The following SASH1 variants were observed in gnomAD, a reference collection of about 807,000 sequenced individuals.
The protein encoded by SASH1 is SAM and SH3 domain-containing protein 1.
A neutral mutation model predicts 125.2 loss-of-function variants in SASH1; 44 were observed. The ratio of observed to expected loss-of-function variants is 0.35; its 90% CI spans 0.28 to 0.45. SASH1 has a LOEUF of 0.45. Among genes scored for constraint, SASH1 ranks in the 20% least tolerant of loss-of-function variants. The pLI is 1.00. For synonymous variants in SASH1, 639 were observed against 649.1 expected (o/e 0.98, Z 0.24); for missense variants, 1,426 against 1,614.5 (o/e 0.88, Z 2.00).
At chr6:148,237,139 C>T in the SASH1 span, among the ~76,000 whole-genome samples, 38 of 152,168 alleles carry the variant, frequency 2.5e-4, no homozygotes, top group African/African-American at 9.2e-4. Flanking sequence ...AAACAAGGAC[C>T]CCCTGGCCAA....
At chr6:148,292,200 A>T (rs2128509113) in intron 1 of SASH1, among the ~76,000 whole-genome samples, 1 of 152,312 alleles carries the variant, frequency 6.6e-6, no homozygotes, top group Non-Finnish European at 1.5e-5. Context: ...GAAATAGTTT[A>T]GTGTTATTTC....
At chr6:148,378,801 G>C (rs1783015785) in intron 1 of SASH1, among the ~76,000 whole-genome samples, 1 of 152,206 alleles carries the variant, frequency 6.6e-6, no homozygotes, top group South Asian at 2.1e-4. Flanking sequence ...AGGTGGGACT[G>C]GGTCTGCTGT....
intron 1 of SASH1, among the ~76,000 whole-genome samples, chr6:148,326,564 C>T (rs1780836873): frequency 6.7e-6 from 1 of 148,178 alleles, no homozygotes; most frequent in Non-Finnish European, 1.5e-5. Context: ...GCCACCGTGG[C>T]CAGCTAATTG....
At position 148,317,550 on chromosome 6, in the gene SASH1, G is replaced by A. The variant is rs534769829; in HGVS notation, n.74+45173G>A. 2.5e-3 allele frequency among the ~76,000 whole-genome samples: 381 copies of A among 152,226 alleles called. 2 individuals carry two copies. Among genetic ancestry groups the A allele is most frequent in the Non-Finnish European group, 5.0e-3 (342 of 68,008 alleles). ...AGCGATTCTCCTGCCTCAGCCTCCC[G>A]AGTAGCTGGGATTACAGGCATGTGC... On this transcript the variant is annotated intron_variant and non_coding_transcript_variant, in intron 1 of 3. Coordinates refer to the SASH1 transcript ENST00000367469.
At chr6:148,228,206 T>G in the SASH1 span, among the ~76,000 whole-genome samples, 1 of 152,250 alleles carries the variant, frequency 6.6e-6, no homozygotes, top group African/African-American at 2.4e-5. Flanking sequence ...CAATTTATTT[T>G]AGAATTTATA....
chr6:148,451,120 G>A (rs529112752), intron 4 of SASH1, among the ~76,000 whole-genome samples: 2 of 152,326 alleles, frequency 1.3e-5, no homozygotes, highest in South Asian at 4.2e-4. Flanking sequence ...GAGGCTGAGA[G>A]CTCACTCTTC....
At chr6:148,310,454 C>T (rs1460539971) in intron 1 of SASH1, among the ~76,000 whole-genome samples, 1 of 148,872 alleles carries the variant, frequency 6.7e-6, no homozygotes, top group African/African-American at 2.5e-5. Context: ...GATTGTAGAC[C>T]TCAATGTAAA....
chr6:148,270,256 G>A (rs191611162), upstream of SASH1, among the ~76,000 whole-genome samples: 292 of 152,214 alleles, frequency 1.9e-3, no homozygotes, highest in African/African-American at 6.6e-3. Context: ...CTCATAAGCC[G>A]GTGCTCTTTT....
intron 16 of SASH1, 28 bp downstream of exon 16, chr6:148,534,929 C>T: frequency 3.1e-6 from 5 of 1,612,782 alleles, no homozygotes; most frequent in Non-Finnish European, 3.4e-6. Context: ...CAGAGGTGTT[C>T]CCTGTGAGGT....
chr6:148,505,810 G>C (rs2115288117), intron 8 of SASH1, among the ~76,000 whole-genome samples: 1 of 151,912 alleles, frequency 6.6e-6, no homozygotes, highest in East Asian at 2.0e-4. Context: ...GCTAATTTCT[G>C]TATTTTTAGT....
chr6:148,319,136 C>T (rs7383122), intron 1 of SASH1, among the ~76,000 whole-genome samples: 45,961 of 145,464 alleles, frequency 0.32, 7,621 homozygotes, highest in Middle Eastern at 0.49. Context: ...GAGTTCATGC[C>T]ATTCTCCTGC....
chr6:148,303,462 T>C, intron 1 of SASH1, among the ~76,000 whole-genome samples: 1 of 152,182 alleles, frequency 6.6e-6, no homozygotes, highest in South Asian at 2.1e-4. Flanking sequence ...AAATTAGAAA[T>C]CAATAACAGA....
intron 1 of SASH1, among the ~76,000 whole-genome samples, chr6:148,318,652 A>G (rs1780547031): frequency 7.7e-6 from 1 of 130,290 alleles, no homozygotes; most frequent in African/African-American, 2.5e-5. Context: ...TCCCGGGTTC[A>G]AGCGATTCTC....
intron 1 of SASH1, among the ~76,000 whole-genome samples, chr6:148,372,800 C>A (rs1782748862): frequency 6.6e-6 from 1 of 152,124 alleles, no homozygotes; most frequent in Admixed American, 6.6e-5. Context: ...TTAGAAAAAT[C>A]TTTGCCCTCC....
At chr6:148,513,075 A>G in intron 8 of SASH1, 1 of 985,442 alleles carries the variant, frequency 1.0e-6, no homozygotes, top group Non-Finnish European at 1.2e-6. Flanking sequence ...TAATGCATAG[A>G]AACTCTACTT....
intron 2 of SASH1, among the ~76,000 whole-genome samples, chr6:148,427,448 G>A (rs1251448716): frequency 2.0e-5 from 3 of 152,144 alleles, no homozygotes; most frequent in Admixed American, 2.0e-4. Context: ...CACTGTAAAA[G>A]GTGCATTCTT....
chr6:148,348,518 G>A (rs1409145394), intron 1 of SASH1, among the ~76,000 whole-genome samples: 1 of 152,196 alleles, frequency 6.6e-6, no homozygotes, highest in Non-Finnish European at 1.5e-5. Flanking sequence ...GTGAGAGGCA[G>A]TGCTCCTGTG....
In SASH1 at chr6:148,343,095, G is replaced by C; in HGVS notation, c.28G>C (p.Gly10Arg). 1 of 1,553,894 alleles carries C rather than the reference G, an allele frequency of 6.4e-7. No homozygotes were observed. The highest frequency in any genetic ancestry group is 1.2e-5 in the South Asian group (1 of 86,276). ...GGAGGACGCGGGAGCAGCTGGCCCG[G>C]GGCCGGAGCCTGAGCCCGAGCCCGA... Reference protein sequence around the residue: MEDAGAAGPGPEPEPEPEPE... With the variant: MEDAGAAGPRPEPEPEPEPE... The change falls in exon 1 of 20, where the codon GGG becomes CGG. Residue 10 changes from glycine to arginine, a missense_variant. This residue lies in a region of SASH1 where 567 missense variants were observed against 575.6 expected (regional missense o/e 0.99). Coordinates refer to ENST00000367467, the MANE Select transcript of SASH1 (RefSeq NM_015278.5).
At chr6:148,449,111 C>T (rs1776966157) in intron 4 of SASH1, among the ~76,000 whole-genome samples, 1 of 60,046 alleles carries the variant, frequency 1.7e-5, no homozygotes, top group Non-Finnish European at 3.8e-5. Flanking sequence ...GAGTCTCACC[C>T]AGGCTGGAGT....
Sources: allele counts gnomAD v4.1 joint callset (sites outside exome capture counted in the v4.1 genomes callset), GRCh38; gene constraint gnomAD v4.1.1; regional missense constraint gnomAD v4.1.1; transcripts MANE v1.5; gene names NCBI Gene and HGNC (gene_info 2026-07-23, HGNC 2026-07-21).